FAM168A: variants seen among roughly 807,000 people sequenced by gnomAD.
FAM168A encodes family with sequence similarity 168 member A.
A neutral mutation model predicts 28.5 loss-of-function variants in FAM168A; 3 were observed. The ratio of observed to expected loss-of-function variants is 0.11; its 90% CI spans 0.05 to 0.27. The LOEUF is 0.27. Among genes scored for constraint, FAM168A ranks in the 10% least tolerant of loss-of-function variants. The pLI, the probability that FAM168A is intolerant of heterozygous loss-of-function variation, is 1.00. For missense variants in FAM168A, 222 were observed against 311.5 expected (o/e 0.71, Z 2.16); for synonymous variants, 122 against 124.2 (o/e 0.98, Z 0.12).
chr11:73,552,510 T>C (rs777655745), intron 1 of FAM168A, among the ~76,000 whole-genome samples: 3 of 152,246 alleles, frequency 2.0e-5, no homozygotes, highest in Non-Finnish European at 2.9e-5. Flanking sequence ...TAAGTATTAG[T>C]TGTGGTGGTT....
At chr11:73,454,306 G>A (rs982387704) in intron 2 of FAM168A, among the ~76,000 whole-genome samples, 1 of 152,150 alleles carries the variant, frequency 6.6e-6, no homozygotes, top group South Asian at 2.1e-4. Context: ...TAGAGCTAAC[G>A]GAAACTACTA....
chr11:73,596,362 C>A (rs1327074256), intron 1 of FAM168A, among the ~76,000 whole-genome samples: 5 of 152,126 alleles, frequency 3.3e-5, no homozygotes, highest in African/African-American at 1.2e-4. Flanking sequence ...CTTCTCCCAC[C>A]TTTAGTTTGG....
At chr11:73,518,095 A>G (rs1398658676) in intron 1 of FAM168A, among the ~76,000 whole-genome samples, 1 of 152,228 alleles carries the variant, frequency 6.6e-6, no homozygotes, top group African/African-American at 2.4e-5. Flanking sequence ...TTCTTTTTCT[A>G]TCACTAGTAA....
intron 1 of FAM168A, among the ~76,000 whole-genome samples, chr11:73,514,147 T>G (rs1257367991): frequency 6.6e-6 from 1 of 151,570 alleles, no homozygotes; most frequent in Non-Finnish European, 1.5e-5. Flanking sequence ...AGTGAGACTC[T>G]CTCTCAAAAA....
chr11:73,466,973 T>C (rs1590798263), intron 2 of FAM168A, among the ~76,000 whole-genome samples: 2 of 151,702 alleles, frequency 1.3e-5, no homozygotes, highest in East Asian at 1.9e-4. Flanking sequence ...AGTCATAGTG[T>C]CAGTTAAAAA....
At chr11:73,451,994 G>A (rs1193474025) in intron 2 of FAM168A, 1 of 152,166 alleles carries the variant, frequency 6.6e-6, no homozygotes, top group Non-Finnish European at 1.5e-5. Flanking sequence ...TTAAAACTTG[G>A]ATAATACAGA....
intron 2 of FAM168A, among the ~76,000 whole-genome samples, chr11:73,465,964 G>GGAGAGAGAGA (rs3073508): frequency 8.7e-5 from 13 of 149,454 alleles, no homozygotes; most frequent in African/African-American, 3.2e-4. Flanking sequence ...GCTTTAAAAG[G>GGAGAGAGAGA]GAGAGAGAGA....
At chr11:73,549,051 C>T (rs1267490382) in intron 1 of FAM168A, among the ~76,000 whole-genome samples, 5 of 152,208 alleles carry the variant, frequency 3.3e-5, no homozygotes, top group Non-Finnish European at 7.3e-5. Context: ...AAGCAATTCT[C>T]CTGCCTCAGC....
At chr11:73,539,783 A>C (rs1943631256) in intron 1 of FAM168A, among the ~76,000 whole-genome samples, 1 of 152,186 alleles carries the variant, frequency 6.6e-6, no homozygotes, top group Non-Finnish European at 1.5e-5. Flanking sequence ...GAGATGAATA[A>C]ATCATTCCAG....
chr11:73,417,806 A>G (rs1866722637), intron 4 of FAM168A, among the ~76,000 whole-genome samples: 2 of 151,746 alleles, frequency 1.3e-5, no homozygotes, highest in South Asian at 4.2e-4. Flanking sequence ...TGATCCGCCC[A>G]CCTCGGCCTC....
At chr11:73,440,474 C>T (rs959212482) in intron 2 of FAM168A, among the ~76,000 whole-genome samples, 17 of 151,964 alleles carry the variant, frequency 1.1e-4, no homozygotes, top group African/African-American at 3.4e-4. Context: ...TGTAGCGAGA[C>T]CCTGGCTCTA....
At chr11:73,542,359 A>G (rs767783842) in intron 1 of FAM168A, among the ~76,000 whole-genome samples, 15 of 152,320 alleles carry the variant, frequency 9.8e-5, no homozygotes, top group Non-Finnish European at 1.8e-4. Context: ...TATAAGTGGC[A>G]ATTCTAATCT....
chr11:73,537,233 T>C (rs1018305811), intron 1 of FAM168A, among the ~76,000 whole-genome samples: 1 of 152,006 alleles, frequency 6.6e-6, no homozygotes, highest in African/African-American at 2.4e-5. Flanking sequence ...CAGTAGGAAG[T>C]GAGGCTGAAA....
intron 1 of FAM168A, among the ~76,000 whole-genome samples, chr11:73,522,351 G>T (rs1410031376): frequency 6.6e-6 from 1 of 151,968 alleles, no homozygotes; most frequent in Non-Finnish European, 1.5e-5. Flanking sequence ...ACGGAGTCTC[G>T]TTCTGTCGCC....
At chr11:73,543,063 G>A (rs1400754964) in intron 1 of FAM168A, among the ~76,000 whole-genome samples, 1 of 151,892 alleles carries the variant, frequency 6.6e-6, no homozygotes. Flanking sequence ...TCATCAGCAA[G>A]GCCTAAGTTA....
At chr11:73,453,005 T>C (rs547798174) in intron 2 of FAM168A, among the ~76,000 whole-genome samples, 2 of 152,304 alleles carry the variant, frequency 1.3e-5, no homozygotes, top group South Asian at 2.1e-4. Flanking sequence ...TATGACTACA[T>C]AATGGTGCCT....
chr11:73,415,918 C>T (rs1050985214), intron 4 of FAM168A, among the ~76,000 whole-genome samples: 1 of 152,120 alleles, frequency 6.6e-6, no homozygotes, highest in African/African-American at 2.4e-5. Context: ...CCTCCTTTTC[C>T]GAGAAAGAAC....
At chr11:73,443,764 G>C (rs1033601360) in intron 2 of FAM168A, among the ~76,000 whole-genome samples, 11 of 152,088 alleles carry the variant, frequency 7.2e-5, no homozygotes, top group Non-Finnish European at 1.2e-4. Context: ...TCAAAGCCTG[G>C]GTTTTGATAT....
chr11:73,436,648 A>G (rs1867091832), intron 2 of FAM168A, among the ~76,000 whole-genome samples: 1 of 152,220 alleles, frequency 6.6e-6, no homozygotes, highest in Non-Finnish European at 1.5e-5. Flanking sequence ...ATCTCTACCC[A>G]AAGTCAACAA....
Sources: gnomAD v4.1 joint callset for allele counts (sites outside exome capture counted in the v4.1 genomes callset) on GRCh38, gnomAD v4.1.1 for gene constraint, MANE v1.5 for transcripts, NCBI Gene and HGNC (gene_info 2026-07-23, HGNC 2026-07-21) for gene names.